Variants in ARMH4 observed in about 807,000 individuals in gnomAD.
The protein encoded by ARMH4 is armadillo-like helical domain-containing protein 4.
ARMH4 carries 49 observed loss-of-function variants against 61.9 expected under a neutral mutation model. The ratio of observed to expected loss-of-function variants is 0.79; its 90% CI spans 0.63 to 1.00. The LOEUF is 1.00. ARMH4 is among the 50% of genes least tolerant of loss of function. The pLI is 0.00. For synonymous variants in ARMH4, 368 were observed against 341.5 expected (o/e 1.08, Z -0.85); for missense variants, 934 against 930.0 (o/e 1.00, Z -0.06).
chr14:58,121,600 G>A (rs1268369611), intron 4 of ARMH4, among the ~76,000 whole-genome samples: 1 of 152,208 alleles, frequency 6.6e-6, no homozygotes, highest in African/African-American at 2.4e-5. Context: ...CAAACGTGAT[G>A]AACATTCTGA....
intron 1 of ARMH4, among the ~76,000 whole-genome samples, chr14:58,139,762 T>C (rs1887468421): frequency 6.6e-6 from 1 of 152,266 alleles, no homozygotes; most frequent in Admixed American, 6.5e-5. Flanking sequence ...CAAATGACTG[T>C]AGAAATAGCA....
intron 5 of ARMH4, among the ~76,000 whole-genome samples, chr14:58,027,297 T>C (rs961955922): frequency 6.6e-6 from 1 of 152,224 alleles, no homozygotes; most frequent in African/African-American, 2.4e-5. Context: ...AAAGGGTAGA[T>C]CTTTTTCTTT....
intron 5 of ARMH4, among the ~76,000 whole-genome samples, chr14:58,032,301 C>G (rs1355182557): frequency 6.6e-6 from 1 of 152,068 alleles, no homozygotes; most frequent in African/African-American, 2.4e-5. Flanking sequence ...CTAATGAGAA[C>G]TGAGGCTGTT....
At chr14:58,081,564 T>G (rs937005900) in intron 5 of ARMH4, among the ~76,000 whole-genome samples, 3 of 151,898 alleles carry the variant, frequency 2.0e-5, no homozygotes, top group Admixed American at 6.6e-5. Context: ...GCAGTGGTGC[T>G]ATCTCGGCTC....
intron 5 of ARMH4, among the ~76,000 whole-genome samples, chr14:58,038,571 AAAAAAG>A (rs1883570148): frequency 6.6e-6 from 1 of 151,800 alleles, no homozygotes; most frequent in South Asian, 2.1e-4. Context: ...ATTAAAAAAA[AAAAAAG>A]AAATACTTAA....
At chr14:58,062,211 C>A (rs1280361220) in intron 5 of ARMH4, among the ~76,000 whole-genome samples, 2 of 152,122 alleles carry the variant, frequency 1.3e-5, no homozygotes, top group Non-Finnish European at 2.9e-5. Flanking sequence ...TGTGGTGGCA[C>A]ATGCCTGTAG....
At chr14:58,029,249 T>TC (rs1281808425) in intron 5 of ARMH4, among the ~76,000 whole-genome samples, 2 of 151,830 alleles carry the variant, frequency 1.3e-5, no homozygotes, top group Non-Finnish European at 2.9e-5. Flanking sequence ...TTTTTTTTTT[T>TC]CCAGATGGAG....
At chr14:58,127,848 G>A (rs1348236908) in intron 4 of ARMH4, among the ~76,000 whole-genome samples, 1 of 149,646 alleles carries the variant, frequency 6.7e-6, no homozygotes, top group Non-Finnish European at 1.5e-5. Context: ...AATATTAAGG[G>A]AAGAAGTGCG....
rs1887951391 is a variant in ARMH4, at chr14:58,152,078, T to G, written c.-60A>C. 6.5e-6 allele frequency: 1 copy of G among 153,560 alleles called. No individual in the cohort carries two copies. Among genetic ancestry groups the G allele is most frequent in the South Asian group, 1.8e-4 (1 of 5,672 alleles). The allele number at this position is 153,560 out of a possible 1,614,324, so 9.5% of individuals were successfully genotyped here. On this transcript the variant is annotated 5_prime_UTR_variant, in exon 1 of 8. Transcript: ENST00000267485. ...CCGGAGCCGGGCCCGTCCTCACCTG[T>G]GCGCCTTCAGCTGAGCAGCGCGCGG...
chr14:58,025,972 T>C (rs188059606), intron 5 of ARMH4, among the ~76,000 whole-genome samples: 30 of 152,102 alleles, frequency 2.0e-4, no homozygotes, highest in African/African-American at 7.0e-4. Flanking sequence ...CCCTAATCTC[T>C]ACTTTCAAGT....
chr14:58,093,988 A>G (rs1885661815), intron 5 of ARMH4, among the ~76,000 whole-genome samples: 1 of 152,228 alleles, frequency 6.6e-6, no homozygotes, highest in Admixed American at 6.5e-5. Context: ...TGGAGAAGTC[A>G]TTTTTAAAAG....
chr14:58,040,833 G>A (rs1350730749), intron 5 of ARMH4, among the ~76,000 whole-genome samples: 3 of 152,126 alleles, frequency 2.0e-5, no homozygotes, highest in African/African-American at 7.2e-5. Context: ...AGTTGTTATG[G>A]GCTGCCCCAG....
intron 5 of ARMH4, among the ~76,000 whole-genome samples, chr14:58,067,060 T>C (rs1884728006): frequency 1.3e-5 from 2 of 152,214 alleles, no homozygotes; most frequent in Non-Finnish European, 2.9e-5. Flanking sequence ...TTGTTTCCTA[T>C]GCGTAGAGGA....
chr14:58,099,673 G>A (rs540752823), intron 4 of ARMH4, among the ~76,000 whole-genome samples: 4 of 152,284 alleles, frequency 2.6e-5, no homozygotes, highest in Admixed American at 2.6e-4. Flanking sequence ...AGGGTCAAGG[G>A]TAGGGTCTTA....
chr14:58,086,593 T>C (rs1463873817), intron 5 of ARMH4, among the ~76,000 whole-genome samples: 1 of 152,102 alleles, frequency 6.6e-6, no homozygotes, highest in Non-Finnish European at 1.5e-5. Context: ...CCAGGAGAGA[T>C]GCAATAGAGC....
At chr14:58,071,764 T>C (rs1195031889) in intron 5 of ARMH4, among the ~76,000 whole-genome samples, 2 of 152,250 alleles carry the variant, frequency 1.3e-5, no homozygotes, top group Non-Finnish European at 2.9e-5. Flanking sequence ...ATGACAGCAA[T>C]ATAAATCATG....
intron 5 of ARMH4, among the ~76,000 whole-genome samples, chr14:58,043,890 A>G (rs1663659507): frequency 1.3e-5 from 2 of 152,218 alleles, no homozygotes; most frequent in Admixed American, 1.3e-4. Flanking sequence ...TAGGAATCCA[A>G]CTTACAAGGG....
chr14:58,040,418 G>C (rs1883648799), intron 5 of ARMH4, among the ~76,000 whole-genome samples: 1 of 152,112 alleles, frequency 6.6e-6, no homozygotes. Flanking sequence ...TGCAGGATTT[G>C]GTTTTCTGTT....
chr14:58,135,695 A>C (rs867869393), intron 2 of ARMH4, among the ~76,000 whole-genome samples: 1 of 152,052 alleles, frequency 6.6e-6, no homozygotes, highest in Non-Finnish European at 1.5e-5. Flanking sequence ...CAGCTAACTG[A>C]CTCAAAGGAC....
Sources: allele counts gnomAD v4.1 joint callset (sites outside exome capture counted in the v4.1 genomes callset), GRCh38; gene constraint gnomAD v4.1.1; transcripts MANE v1.5; gene names NCBI Gene and HGNC (gene_info 2026-07-23, HGNC 2026-07-21).